The following HPX variants were observed in gnomAD, a reference collection of about 807,000 sequenced individuals.
The protein encoded by HPX is beta-1B-glycoprotein.
HPX carries 42 observed loss-of-function variants against 53.8 expected under a neutral mutation model. The ratio of observed to expected loss-of-function variants is 0.78; its 90% CI spans 0.61 to 1.01. The LOEUF (loss-of-function observed/expected upper bound fraction) is 1.01, where lower values mean the gene tolerates loss of function less well. HPX is among the 50% of genes least tolerant of loss of function. The probability of loss-of-function intolerance (pLI) is 0.00; values close to 1 mark genes in which losing one functional copy is unlikely to be tolerated. For synonymous variants in HPX, 229 were observed against 221.1 expected, an observed-to-expected ratio of 1.04 and a Z score of -0.32; for missense variants, 547 against 594.3, an observed-to-expected ratio of 0.92 and a Z score of 0.83.
Position 6,438,494 on chromosome 11 carries a change from C to T in HPX, c.352G>A (p.Val118Ile). ...VFLIKGDKVWVYPPEKKEKGY... is the reference protein window; with the variant it reads ...VFLIKGDKVWIYPPEKKEKGY... ...TTCTCCTTCTTTTCAGGAGGGTATA[C>T]CCAGACTTTGTCCCCCTGCATTCAA... The change falls in exon 5 of 10, where the codon GTA becomes ATA. Residue 118 changes from valine (V) to isoleucine (I), a missense_variant. By Grantham distance (29) the Val-to-Ile change is conservative. Transcript: ENST00000265983. The T allele has an allele frequency of 2.5e-6, 4 of 1,614,054 alleles. No individual in the cohort carries two copies. The highest frequency in any genetic ancestry group is 1.1e-5 in the South Asian group (1 of 91,076).
In HPX at chr11:6,440,945, C is replaced by A. The variant is rs35899065; in HGVS notation, c.19G>T (p.Ala7Ser). Reference sequence around the variant, plus strand: ...CTCCACAACCCCAGTGCAACGGGTGCTCCCAGTACCCTAGCCATGCTGAGC... The same window carrying A: ...CTCCACAACCCCAGTGCAACGGGTGATCCCAGTACCCTAGCCATGCTGAGC... The part of the protein sequence containing the change: MARVLG[A>S]PVALGLWSLC... Residue 7 changes from alanine (A) to serine (S), a missense_variant, in exon 1 of 10, where the codon GCA becomes TCA. Physicochemically the swap from Ala to Ser is moderately conservative, Grantham distance 99. Transcript: ENST00000265983. 6.2e-7 allele frequency: 1 copy of A among 1,607,484 alleles called. No homozygotes were observed.
chr11:6,440,577 A>C (rs764102256), intron 2 of HPX, 39 bp from the exon 3 acceptor site: 2 of 438,874 alleles, frequency 4.6e-6, no homozygotes, highest in Non-Finnish European at 6.2e-6. Context: ...TAAAAAAAAA[A>C]AAAAAAAAAA....
At chr11:6,432,736 AC>A (rs1212758876) in intron 7 of HPX, among the ~76,000 whole-genome samples, 1 of 152,070 alleles carries the variant, frequency 6.6e-6, no homozygotes, top group East Asian at 1.9e-4. Context: ...GGCTTCTGTG[AC>A]ACCTGACTCT....
chr11:6,432,731 C>A (rs373906465), intron 7 of HPX, among the ~76,000 whole-genome samples: 8 of 152,168 alleles, frequency 5.3e-5, no homozygotes, highest in African/African-American at 1.9e-4. Flanking sequence ...AACTTGGCTT[C>A]TGTGACACCT....
At chr11:6,437,996 T>C (rs1374529584) in intron 5 of HPX, 6 of 496,906 alleles carry the variant, frequency 1.2e-5, no homozygotes, top group Admixed American at 6.9e-5. Flanking sequence ...GAGAATAGCA[T>C]AGGGTTTCTG....
intron 7 of HPX, among the ~76,000 whole-genome samples, chr11:6,432,618 A>C (rs185066638): frequency 6.6e-6 from 1 of 152,114 alleles, no homozygotes; most frequent in Non-Finnish European, 1.5e-5. Flanking sequence ...GTATTCTCCA[A>C]TTTGCGAAAT....
intron 7 of HPX, among the ~76,000 whole-genome samples, chr11:6,435,406 A>G (rs1194802598): frequency 7.1e-6 from 1 of 141,430 alleles, no homozygotes; most frequent in Admixed American, 6.8e-5. Flanking sequence ...TTCTCACCTC[A>G]GCTAGGTATA....
chr11:6,438,592 G>A (rs1197327453), intron 4 of HPX, 83 bp from the exon 5 acceptor site: 4 of 1,255,954 alleles, frequency 3.2e-6, no homozygotes, highest in Non-Finnish European at 3.4e-6. Flanking sequence ...TATCTACTGT[G>A]CTTATACGAT....
rs77968827 is a variant in HPX, at chr11:6,435,515, A to G, written c.835+1531T>C. On this transcript the variant is annotated intron_variant, in intron 7 of 9. Coordinates refer to ENST00000265983, the MANE Select transcript of HPX (RefSeq NM_000613.3). ...GGTCTCACTCTGTCACCCAGGCTGG[A>G]GTGCAGTAGCACGATCACGGCTCAC... Among the ~76,000 whole-genome samples, 656 of 152,028 alleles carry G rather than the reference A, an allele frequency of 4.3e-3. 7 individuals are homozygous for G. The highest frequency in any genetic ancestry group is 0.015 in the African/African-American group (633 of 41,478).
In HPX at chr11:6,431,355, AG is replaced by A; in HGVS notation, c.1244del (p.Pro415LeufsTer28). The A allele has an allele frequency of 3.7e-6, 6 of 1,614,288 alleles. No homozygotes were observed. The highest frequency in any genetic ancestry group is 5.1e-6 in the Non-Finnish European group (6 of 1,180,056). On this transcript the variant is annotated frameshift_variant, in exon 10 of 10. Transcript: ENST00000265983. LOFTEE classifies it high-confidence loss of function. ...CGGGACCATTGGCGGAACATGAGTTAGGGCCAAGGGACTTTTCCATACACAA... is the reference window on the plus strand; with the variant it reads ...CGGGACCATTGGCGGAACATGAGTTAGGCCAAGGGACTTTTCCATACACAA... ...GALCMEKSLG[P>X]NSCSANGPGL...
chr11:6,436,096 A>T (rs1273090383), intron 7 of HPX, among the ~76,000 whole-genome samples: 2 of 152,280 alleles, frequency 1.3e-5, no homozygotes, highest in African/African-American at 4.8e-5. Flanking sequence ...TTTTCACTAC[A>T]GGTGTGTGTT....
chr11:6,440,878 C>T lies in HPX; in HGVS notation c.83+3G>A, dbSNP rs113882806. 6.2e-7 allele frequency: 1 copy of T among 1,613,038 alleles called. No homozygotes were observed. On this transcript the variant is annotated splice_donor_region_variant and intron_variant, in intron 1 of 9. Coordinates refer to ENST00000265983, the MANE Select transcript of HPX (RefSeq NM_000613.3). ...CTTCGCTTCTAGTCCCAGCTTTACT[C>T]ACGGAGGAAGAGGGGTGGCAATGGC... is the stretch of plus-strand genomic sequence containing the variant.
rs1414260929 is a variant in HPX, at chr11:6,440,454, C to T, written c.214+13G>A. The T allele has an allele frequency of 6.2e-7, 1 of 1,608,050 alleles. No homozygotes were observed. The highest frequency in any genetic ancestry group is 1.3e-5 in the African/African-American group (1 of 74,366). ...TCTAAGGTCCTAAACGCCCTAACCT[C>T]AGTCCCTCCTACCTTTAAAAAACAG... On this transcript the variant is annotated intron_variant, in intron 3 of 9. Coordinates refer to ENST00000265983, the MANE Select transcript of HPX (RefSeq NM_000613.3).
rs11824038 is a variant in HPX, at chr11:6,432,111, G to C, written c.836-94C>G. On this transcript the variant is annotated intron_variant, in intron 7 of 9. Coordinates refer to ENST00000265983, the MANE Select transcript of HPX (RefSeq NM_000613.3). ...ATGCAGAAATGAGTCATGAGAGGGA[G>C]AGAATGCATCCAGAGGCCAAGATGG... 2,393 of 1,422,808 alleles carry C rather than the reference G, an allele frequency of 1.7e-3. 34 individuals carry two copies. In the African/African-American group the frequency reaches 0.03, roughly 18 times the overall value. The allele number at this position is 1,422,808 out of a possible 1,614,324, so 88.1% of individuals were successfully genotyped here.
At position 6,431,376 on chromosome 11, in the gene HPX, A is replaced by G. The variant is rs1406252907; in HGVS notation, c.1224T>C (p.Cys408=). 2.5e-6 allele frequency: 4 copies of G among 1,614,122 alleles called. No homozygotes were observed. In the Admixed American group the frequency reaches 6.7e-5, roughly 27 times the overall value. ...AGTTAGGGCCAAGGGACTTTTCCAT[A>G]CACAAGGCTCCGTCTACCTTCTCAT... ...WPHEKVDGAL[C]MEKSLGPNSC... Residue 408 remains cysteine (C), a synonymous_variant, in exon 10 of 10, where the codon TGT becomes TGC. Coordinates refer to ENST00000265983, the MANE Select transcript of HPX (RefSeq NM_000613.3).
At position 6,431,473 on chromosome 11, in the gene HPX, G is replaced by A. The variant is rs747859269; in HGVS notation, c.1130-3C>T. 1 of 1,614,108 alleles carries A rather than the reference G, an allele frequency of 6.2e-7. No individual in the cohort carries two copies. Among genetic ancestry groups the A allele is most frequent in the Non-Finnish European group, 8.5e-7 (1 of 1,179,996 alleles). ...GTCCAGCCACCACAGCCGCCGTCCTGGGGAGAAGGCACCAAACATAGCATG... is the reference window on the plus strand; with the variant it reads ...GTCCAGCCACCACAGCCGCCGTCCTAGGGAGAAGGCACCAAACATAGCATG... On this transcript the variant is annotated splice_polypyrimidine_tract_variant and splice_region_variant and intron_variant, in intron 9 of 9. Transcript: ENST00000265983.
At position 6,431,766 on chromosome 11, in the gene HPX, TA is replaced by T. The variant is rs1849352514; in HGVS notation, c.1003del (p.Tyr335IlefsTer3). ...QVYVFLTKGG[Y>X]TLVSGYPKRL... Reference sequence around the variant, plus strand: ...CTTCGGATAACCGCTTACTAGGGTATAGCCTCCCTTTGTCAGGAAGACATAT... The same window carrying T: ...CTTCGGATAACCGCTTACTAGGGTATGCCTCCCTTTGTCAGGAAGACATAT... On this transcript the variant is annotated frameshift_variant, in exon 9 of 10. Coordinates refer to ENST00000265983, the MANE Select transcript of HPX (RefSeq NM_000613.3). LOFTEE classifies it high-confidence loss of function. 2.5e-6 allele frequency: 4 copies of T among 1,614,214 alleles called. No homozygotes were observed. Among genetic ancestry groups the T allele is most frequent in the Non-Finnish European group, 3.4e-6 (4 of 1,180,038 alleles).
At position 6,438,571 on chromosome 11, in the gene HPX, C is replaced by T; in HGVS notation, c.337-62G>A. ...CCCAGATACTGCCACTCTGCATTTACACACATTTTTTATCTACTGTGCTTA... is the reference window on the plus strand; with the variant it reads ...CCCAGATACTGCCACTCTGCATTTATACACATTTTTTATCTACTGTGCTTA... On this transcript the variant is annotated intron_variant, in intron 4 of 9. Coordinates refer to ENST00000265983, the MANE Select transcript of HPX (RefSeq NM_000613.3). 4.8e-6 allele frequency: 7 copies of T among 1,471,520 alleles called. No homozygotes were observed. The South Asian group carries it at 6.9e-5, about 15-fold the overall frequency. The allele number at this position is 1,471,520 out of a possible 1,614,324, so 91.2% of individuals were successfully genotyped here.
chr11:6,432,114 A>G, intron 7 of HPX, 97 bp from the exon 8 acceptor site: 2 of 1,408,132 alleles, frequency 1.4e-6, no homozygotes, highest in Non-Finnish European at 2.0e-6. Flanking sequence ...AGAGGGAGAG[A>G]ATGCATCCAG....
Sources: gnomAD v4.1 joint callset for allele counts (sites outside exome capture counted in the v4.1 genomes callset) on GRCh38, gnomAD v4.1.1 for gene constraint, MANE v1.5 for transcripts, NCBI Gene and HGNC (gene_info 2026-07-23, HGNC 2026-07-21) for gene names.